The following PDXDC1 variants were observed in gnomAD, a reference collection of about 807,000 sequenced individuals.
The protein encoded by PDXDC1 is pyridoxal dependent decarboxylase domain containing 1, also known as pyridoxal-dependent decarboxylase domain-containing protein 1.
PDXDC1 carries 42 observed loss-of-function variants against 100.1 expected under a neutral mutation model. That is an observed-to-expected ratio of 0.42 (90% CI 0.33 to 0.54). PDXDC1 has a LOEUF of 0.54. PDXDC1 is among the 20% of genes least tolerant of loss of function. The probability of loss-of-function intolerance (pLI) is 0.10; values close to 1 mark genes in which losing one functional copy is unlikely to be tolerated. For missense variants in PDXDC1, 636 were observed against 979.2 expected, an observed-to-expected ratio of 0.65 and a Z score of 4.68; for synonymous variants, 260 against 371.7, an observed-to-expected ratio of 0.70 and a Z score of 3.46.
chr16:15,111,100 C>G (rs2047033498), intron 16 of PDXDC1, among the ~76,000 whole-genome samples: 1 of 144,096 alleles, frequency 6.9e-6, no homozygotes, highest in Admixed American at 7.1e-5. Context: ...TGCACTCCAG[C>G]CTGAGCGACA....
chr16:15,143,945 C>T (rs1016499961), downstream of PDXDC1, among the ~76,000 whole-genome samples: 13 of 152,186 alleles, frequency 8.5e-5, no homozygotes, highest in Admixed American at 7.2e-4. Context: ...CACCCCTGCC[C>T]GCGCTGGCCG....
At chr16:15,132,744 C>G (rs1356253139) in intron 16 of PDXDC1, 1 of 1,114,182 alleles carries the variant, frequency 9.0e-7, no homozygotes, top group African/African-American at 1.5e-5. Context: ...AGCGCAGCAG[C>G]GATCTGCTGG....
At chr16:15,081,662 TAAC>T (rs913288340) in intron 16 of PDXDC1, among the ~76,000 whole-genome samples, 3 of 152,202 alleles carry the variant, frequency 2.0e-5, no homozygotes, top group African/African-American at 7.2e-5. Context: ...CTATGAAGCA[TAAC>T]AACGTTTAAT....
At chr16:15,005,703 C>CTTTTTTAT (rs1173747546) in intron 5 of PDXDC1, among the ~76,000 whole-genome samples, 68 of 152,226 alleles carry the variant, frequency 4.5e-4, no homozygotes, top group Non-Finnish European at 6.8e-4. Context: ...GCCTGACTAG[C>CTTTTTTAT]TTTTTTATTT....
intron 4 of PDXDC1, 43 bp from the exon 5 acceptor site, chr16:15,004,144 C>G (rs765979959): frequency 2.6e-6 from 4 of 1,567,484 alleles, no homozygotes; most frequent in Admixed American, 1.8e-5. Context: ...GTTCTATGTC[C>G]TTTTTTATGG....
intron 17 of PDXDC1, 34 bp downstream of exon 17, chr16:15,031,940 C>G: frequency 6.5e-7 from 1 of 1,544,054 alleles, no homozygotes; most frequent in Non-Finnish European, 8.8e-7. Context: ...ATGTTGGAGA[C>G]TTTTCTGTAT....
intron 16 of PDXDC1, chr16:15,131,298 G>C (rs758272199): frequency 6.4e-7 from 1 of 1,572,946 alleles, no homozygotes; most frequent in Non-Finnish European, 8.6e-7. Flanking sequence ...TCTGGGCGCC[G>C]GCCTGTGTCT....
intron 16 of PDXDC1, among the ~76,000 whole-genome samples, chr16:15,102,199 C>T (rs970096754): frequency 3.3e-5 from 5 of 150,970 alleles, no homozygotes; most frequent in African/African-American, 1.2e-4. Flanking sequence ...CTTATGTTGC[C>T]CAGGCTGGTC....
chr16:15,038,700 G>GT, downstream of PDXDC1: 2 of 1,420,836 alleles, frequency 1.4e-6, no homozygotes, highest in Non-Finnish European at 2.0e-6. Context: ...AAAAAAGAAC[G>GT]TGTCAAGGAT....
In PDXDC1 at chr16:15,036,821, C is replaced by T. The variant is rs1311990333; in HGVS notation, c.*546C>T. The T allele has an allele frequency of 3.1e-5, 5 of 158,834 alleles. No homozygotes were observed. The highest frequency in any genetic ancestry group is 5.6e-5 in the Non-Finnish European group (4 of 71,686). The allele number at this position is 158,834 out of a possible 1,614,324, so 9.8% of individuals were successfully genotyped here. On this transcript the variant is annotated 3_prime_UTR_variant, in exon 23 of 23. Transcript: ENST00000396410. Reference sequence around the variant, plus strand: ...GAAGCCCTCCCCAGCTACTGCTCTTCGTGGAGACTTAGTAAGGACTGTGTC... The same window carrying T: ...GAAGCCCTCCCCAGCTACTGCTCTTTGTGGAGACTTAGTAAGGACTGTGTC...
chr16:14,999,070 G>A (rs1016107763), intron 3 of PDXDC1, among the ~76,000 whole-genome samples: 5 of 152,268 alleles, frequency 3.3e-5, no homozygotes, highest in Non-Finnish European at 2.9e-5. Context: ...GAGTGATAGA[G>A]ACACTCTCTA....
intron 16 of PDXDC1, chr16:15,063,144 C>T (rs2044784896): frequency 3.8e-6 from 5 of 1,328,228 alleles, no homozygotes; most frequent in South Asian, 2.3e-5. Flanking sequence ...TCACTGTGAC[C>T]TGGAACCAGA....
At chr16:14,987,492 A>G (rs1969649392) in intron 1 of PDXDC1, among the ~76,000 whole-genome samples, 2 of 152,308 alleles carry the variant, frequency 1.3e-5, no homozygotes, top group Admixed American at 1.3e-4. Flanking sequence ...AGTATTAGTA[A>G]TTATAAGGAT....
At chr16:15,081,145 T>A (rs2045687579) in intron 16 of PDXDC1, among the ~76,000 whole-genome samples, 1 of 152,234 alleles carries the variant, frequency 6.6e-6, no homozygotes, top group South Asian at 2.1e-4. Flanking sequence ...TTGCTTCTAC[T>A]TGAGGCTATT....
chr16:15,149,236 T>C, the PDXDC1 span, among the ~76,000 whole-genome samples: 1 of 152,210 alleles, frequency 6.6e-6, no homozygotes, highest in Non-Finnish European at 1.5e-5. Context: ...CTGGCTTCAA[T>C]GTCACCTGCA....
intron 17 of PDXDC1, chr16:15,032,645 C>T (rs972227379): frequency 2.3e-5 from 7 of 306,388 alleles, no homozygotes; most frequent in Non-Finnish European, 3.9e-5. Context: ...CCAAGTGAGA[C>T]CCTGCTTTAA....
At chr16:15,022,584 C>T in intron 12 of PDXDC1, 120 bp from the exon 13 acceptor site, 1 of 796,206 alleles carries the variant, frequency 1.3e-6, no homozygotes, top group Non-Finnish European at 2.0e-6. Context: ...TAGAAACCAC[C>T]AAGTGGCAGG....
rs779234529 is a variant in PDXDC1 at position 15,031,135 on chromosome 16, TC to T, written c.1400-598del. Among the ~76,000 whole-genome samples the T allele has an allele frequency of 1.7e-4, 20 of 120,126 alleles. 1 individual carries two copies. Among genetic ancestry groups the T allele is most frequent in the East Asian group, 4.5e-4 (2 of 4,424 alleles). 78.8% of individuals were successfully genotyped at this position (120,126 alleles called of 152,430 possible). A position where few individuals can be genotyped will look rare whatever the true frequency, so the allele number is the denominator to read the frequency against. ...CTATTTTTTTTTTTTTTTTTTTTTT[TC>T]CATAGAGACGTGGTCTCACTCTGTC... is the stretch of plus-strand genomic sequence containing the variant. On this transcript the variant is annotated intron_variant, in intron 16 of 22. Coordinates refer to ENST00000396410, the MANE Select transcript of PDXDC1 (RefSeq NM_015027.4).
chr16:15,078,527 T>C lies in PDXDC1; in HGVS notation c.1399+48471T>C, dbSNP rs2045558974. 2.0e-5 allele frequency among the ~76,000 whole-genome samples: 3 copies of C among 152,146 alleles called. No individual in the cohort carries two copies. The South Asian group carries it at 6.2e-4, about 31-fold the overall frequency. ...TTCTAACCACTAAATCCAAGGACTG[T>C]TGCTCTTTTCATCTTTCTAAAAAAT... On this transcript the variant is annotated intron_variant, in intron 16 of 16. Coordinates refer to the PDXDC1 transcript ENST00000535621.
Sources: gnomAD v4.1 joint callset for allele counts (sites outside exome capture counted in the v4.1 genomes callset) on GRCh38, gnomAD v4.1.1 for gene constraint, MANE v1.5 for transcripts, NCBI Gene and HGNC (gene_info 2026-07-23, HGNC 2026-07-21) for gene names.